BRCA1: variants seen among roughly 807,000 people sequenced by gnomAD.
BRCA1 encodes breast cancer type 1 susceptibility protein.
Under a neutral mutation model 173.7 loss-of-function variants are expected in BRCA1, and 140 were observed. The ratio of observed to expected loss-of-function variants is 0.81; its 90% CI spans 0.70 to 0.93. The LOEUF is 0.93. Ranked by LOEUF, BRCA1 falls within the 40% of genes least tolerant of loss-of-function variation. The probability of loss-of-function intolerance (pLI) is 0.00; values close to 1 mark genes in which losing one functional copy is unlikely to be tolerated. For missense variants in BRCA1, 1,983 were observed against 2,172.5 expected (o/e 0.91, Z 1.73); for synonymous variants, 662 against 756.0 (o/e 0.88, Z 2.04).
At chr17:43,066,655 C>G (rs147403353) in intron 16 of BRCA1, among the ~76,000 whole-genome samples, 8 of 151,628 alleles carry the variant, frequency 5.3e-5, no homozygotes, top group Non-Finnish European at 1.0e-4. Context: ...GTGATCTGCC[C>G]GCCTCAGGCT....
intron 1 of BRCA1, among the ~76,000 whole-genome samples, chr17:43,134,597 C>T (rs1284178069): frequency 6.6e-6 from 1 of 152,118 alleles, no homozygotes; most frequent in Non-Finnish European, 1.5e-5. Flanking sequence ...CCTACTAAAT[C>T]CTTTACTTTC....
intron 1 of BRCA1, chr17:43,170,030 C>A: frequency 4.4e-6 from 2 of 449,836 alleles, no homozygotes; most frequent in Non-Finnish European, 8.9e-6. Context: ...CATAGTCCTG[C>A]AGAATGAGGG....
intron 1 of BRCA1, 38 bp downstream of exon 1, chr17:43,125,233 C>G (rs2154579918): frequency 2.2e-6 from 1 of 456,074 alleles, no homozygotes; most frequent in Non-Finnish European, 4.4e-6. Context: ...CCCAGAGCAT[C>G]ACTTGGGCCC....
Position 43,106,575 on chromosome 17 carries a change from C to G in BRCA1, c.135-42G>C, listed in dbSNP as rs377388626. 2.1e-6 allele frequency: 3 copies of G among 1,427,338 alleles called. No homozygotes were observed. In the African/African-American group the frequency reaches 4.3e-5, roughly 20 times the overall value. 88.4% of individuals were successfully genotyped at this position (1,427,338 alleles called of 1,614,324 possible). ...AAGAAAGAACAATTTAATTTACTTC[C>G]TTTTGTAGAAAGAATACTCAAAAGG... On this transcript the variant is annotated intron_variant, in intron 3 of 22. Coordinates refer to ENST00000357654, the MANE Select transcript of BRCA1 (RefSeq NM_007294.4).
chr17:43,062,330 A>G (rs1176775087), intron 18 of BRCA1, among the ~76,000 whole-genome samples: 1 of 151,902 alleles, frequency 6.6e-6, no homozygotes, highest in Non-Finnish European at 1.5e-5. Flanking sequence ...CCTGGCCTCA[A>G]GTAATCTTCC....
upstream of BRCA1, among the ~76,000 whole-genome samples, chr17:43,125,931 C>T (rs527981911): frequency 2.0e-5 from 3 of 152,308 alleles, no homozygotes; most frequent in Admixed American, 2.0e-4. Context: ...CACGGAAATC[C>T]AGTGGATAGA....
At chr17:43,095,084 T>C (rs1418119488) in intron 9 of BRCA1, among the ~76,000 whole-genome samples, 1 of 144,294 alleles carries the variant, frequency 6.9e-6, no homozygotes, top group Non-Finnish European at 1.5e-5. Flanking sequence ...AATTTCAGAA[T>C]TTTCCCTATG....
chr17:43,111,645 C>T (rs1347979064), intron 3 of BRCA1, among the ~76,000 whole-genome samples: 2 of 151,818 alleles, frequency 1.3e-5, no homozygotes, highest in Non-Finnish European at 2.9e-5. Flanking sequence ...CACGGTGAAA[C>T]CCTTTCTCTA....
At chr17:43,079,668 C>G (rs955716217) in intron 12 of BRCA1, 2 of 897,282 alleles carry the variant, frequency 2.2e-6, no homozygotes, top group South Asian at 1.3e-5. Context: ...GAGAAAGGTA[C>G]GTGGGTTCAA....
At chr17:43,122,556 G>GGT (rs1211753354) in intron 2 of BRCA1, among the ~76,000 whole-genome samples, 1 of 152,124 alleles carries the variant, frequency 6.6e-6, no homozygotes, top group Non-Finnish European at 1.5e-5. Context: ...GTGTGCTGGG[G>GGT]GTGTGGTAAT....
rs765804641 is a variant in BRCA1 at position 43,044,352 on chromosome 17, G to T, written c.*1326C>A. The T allele has an allele frequency of 2.0e-6, 1 of 497,458 alleles. No individual in the cohort carries two copies. Among genetic ancestry groups the T allele is most frequent in the South Asian group, 1.6e-5 (1 of 64,250 alleles). 30.8% of individuals were successfully genotyped at this position (497,458 alleles called of 1,614,324 possible). ...GTTAACAGCACAACATTTACAAAACGTATTTTGTACAATCAAGTCTTCACT... is the reference window on the plus strand; with the variant it reads ...GTTAACAGCACAACATTTACAAAACTTATTTTGTACAATCAAGTCTTCACT... On this transcript the variant is annotated 3_prime_UTR_variant, in exon 23 of 23. Transcript: ENST00000357654.
intron 10 of BRCA1, 164 bp from the exon 11 acceptor site, chr17:43,091,196 A>G (rs1055965746): frequency 2.5e-5 from 22 of 886,954 alleles, no homozygotes; most frequent in Admixed American, 1.6e-4. Flanking sequence ...ATAAAATGAA[A>G]CCAGAAGTAA....
intron 20 of BRCA1, 105 bp downstream of exon 20, chr17:43,050,958 A>G (rs2051185932): frequency 8.7e-7 from 1 of 1,151,340 alleles, no homozygotes; most frequent in Non-Finnish European, 1.3e-6. Context: ...CCTCTAGAAC[A>G]TTTCAGCAAT....
At position 43,064,693 on chromosome 17, in the gene BRCA1, A is replaced by T. The variant is rs8176253; in HGVS notation, c.5075-742T>A. 1.4e-3 allele frequency among the ~76,000 whole-genome samples: 207 copies of T among 152,276 alleles called. 1 individual carries two copies. Among genetic ancestry groups the T allele is most frequent in the African/African-American group, 4.8e-3 (198 of 41,550 alleles). ...CCTCACAGAATCCTTACAATTTTTG[A>T]AGTTTTTTGTTTAACTGCTACAAAA... On this transcript the variant is annotated intron_variant, in intron 16 of 22. Transcript: ENST00000357654.
chr17:43,086,146 ACAG>A (rs1184974439), intron 11 of BRCA1, among the ~76,000 whole-genome samples: 2 of 151,510 alleles, frequency 1.3e-5, no homozygotes, highest in Non-Finnish European at 2.9e-5. Flanking sequence ...ACACACACAC[ACAG>A]AAGTCCCCAC....
rs1309281955 is a variant in BRCA1 at position 43,069,771 on chromosome 17, T to C, written c.4986+1157A>G. Among the ~76,000 whole-genome samples the C allele has an allele frequency of 4.6e-5, 7 of 152,128 alleles. No homozygotes were observed. In the East Asian group the frequency reaches 5.8e-4, roughly 13 times the overall value. ...AGATGTTATGCTAAGTAACTACCTA[T>C]GGAGAAGTTAGGATGAAAAATCCTA... is the stretch of plus-strand genomic sequence containing the variant. On this transcript the variant is annotated intron_variant, in intron 15 of 22. Transcript: ENST00000357654.
intron 1 of BRCA1, chr17:43,165,770 G>A (rs931457329): frequency 5.5e-4 from 72 of 131,690 alleles, no homozygotes; most frequent in Non-Finnish European, 7.1e-4. Context: ...TTTCCAAAGC[G>A]AACCTTTTTT....
intron 1 of BRCA1, among the ~76,000 whole-genome samples, chr17:43,134,523 C>T (rs2055999665): frequency 6.6e-6 from 1 of 152,116 alleles, no homozygotes; most frequent in Non-Finnish European, 1.5e-5. Flanking sequence ...GCCAAGCCAC[C>T]AAGGATCATG....
At chr17:43,123,355 T>G (rs1363347862) in intron 2 of BRCA1, among the ~76,000 whole-genome samples, 2 of 135,628 alleles carry the variant, frequency 1.5e-5, no homozygotes, top group Non-Finnish European at 3.3e-5. Flanking sequence ...CCATGTTTTT[T>G]TTTTTTTTTT....
Sources: allele counts gnomAD v4.1 joint callset (sites outside exome capture counted in the v4.1 genomes callset), GRCh38; gene constraint gnomAD v4.1.1; transcripts MANE v1.5; gene names NCBI Gene and HGNC (gene_info 2026-07-23, HGNC 2026-07-21).